ST6GALNAC5: variants seen among roughly 807,000 people sequenced by gnomAD.
The protein encoded by ST6GALNAC5 is ST6 N-acetylgalactosaminide alpha-2,6-sialyltransferase 5, also known as alpha-N-acetylgalactosaminide alpha-2,6-sialyltransferase 5.
A neutral mutation model predicts 33.6 loss-of-function variants in ST6GALNAC5; 27 were observed. That is an observed-to-expected ratio of 0.80 (90% CI 0.59 to 1.11). The LOEUF is 1.11. Among genes scored for constraint, ST6GALNAC5 ranks in the 50% least tolerant of loss-of-function variants. The pLI, the probability that ST6GALNAC5 is intolerant of heterozygous loss-of-function variation, is 0.00. For synonymous variants in ST6GALNAC5, 194 were observed against 171.2 expected (o/e 1.13, Z -1.04); for missense variants, 428 against 454.0 (o/e 0.94, Z 0.52).
At chr1:77,027,881 A>G (rs548375012) in intron 2 of ST6GALNAC5, among the ~76,000 whole-genome samples, 30 of 152,334 alleles carry the variant, frequency 2.0e-4, no homozygotes, top group East Asian at 1.4e-3. Flanking sequence ...TTACACTTCA[A>G]TAGTGCTTTA....
chr1:77,050,594 AT>A (rs1240576848), intron 4 of ST6GALNAC5, among the ~76,000 whole-genome samples: 6 of 152,230 alleles, frequency 3.9e-5, no homozygotes, highest in Non-Finnish European at 7.3e-5. Context: ...TGTGGGCTCC[AT>A]TTATCCTCTG....
intron 2 of ST6GALNAC5, among the ~76,000 whole-genome samples, chr1:76,970,810 G>T (rs1264981058): frequency 6.6e-6 from 1 of 152,096 alleles, no homozygotes; most frequent in East Asian, 1.9e-4. Flanking sequence ...ATCATGTGTT[G>T]CATGTAGCTG....
chr1:76,890,529 CT>C (rs977719397), intron 2 of ST6GALNAC5, among the ~76,000 whole-genome samples: 5 of 144,986 alleles, frequency 3.4e-5, no homozygotes, highest in African/African-American at 1.3e-4. Flanking sequence ...ATTCATTATG[CT>C]AGATTTTTAC....
chr1:76,954,491 G>T (rs1647876145), intron 2 of ST6GALNAC5, among the ~76,000 whole-genome samples: 1 of 152,062 alleles, frequency 6.6e-6, no homozygotes, highest in Non-Finnish European at 1.5e-5. Flanking sequence ...GTTTACCTGT[G>T]TAAAAAGCCT....
chr1:76,975,537 T>C (rs1648975392), intron 2 of ST6GALNAC5, among the ~76,000 whole-genome samples: 1 of 152,182 alleles, frequency 6.6e-6, no homozygotes, highest in Non-Finnish European at 1.5e-5. Context: ...GTTACTTTAA[T>C]AGGTGGATAT....
chr1:76,965,187 T>C (rs967554287), intron 2 of ST6GALNAC5, among the ~76,000 whole-genome samples: 2 of 149,066 alleles, frequency 1.3e-5, no homozygotes, highest in Non-Finnish European at 3.0e-5. Flanking sequence ...TGCCACACTG[T>C]CTTCCGCAAT....
intron 2 of ST6GALNAC5, among the ~76,000 whole-genome samples, chr1:76,896,259 A>T (rs1223713134): frequency 6.6e-6 from 1 of 152,176 alleles, no homozygotes; most frequent in Non-Finnish European, 1.5e-5. Context: ...ACTAAGCGGT[A>T]TTTTAGTTAT....
chr1:77,031,129 T>A (rs1651435967), intron 2 of ST6GALNAC5, among the ~76,000 whole-genome samples: 1 of 152,082 alleles, frequency 6.6e-6, no homozygotes, highest in African/African-American at 2.4e-5. Context: ...GGTGGCAAAG[T>A]CCCTCCCCAG....
At chr1:76,997,755 T>C (rs897937007) in intron 2 of ST6GALNAC5, among the ~76,000 whole-genome samples, 1 of 152,146 alleles carries the variant, frequency 6.6e-6, no homozygotes, top group African/African-American at 2.4e-5. Context: ...TCTCAATGCT[T>C]TGAGAGGCCA....
intron 4 of ST6GALNAC5, among the ~76,000 whole-genome samples, chr1:77,052,847 G>T (rs1404015572): frequency 6.7e-6 from 1 of 150,152 alleles, no homozygotes; most frequent in African/African-American, 2.5e-5. Flanking sequence ...GAACCTGGGA[G>T]GCGGAGGATG....
intron 2 of ST6GALNAC5, among the ~76,000 whole-genome samples, chr1:76,955,846 C>T (rs578157452): frequency 6.6e-6 from 1 of 152,238 alleles, no homozygotes; most frequent in Admixed American, 6.5e-5. Context: ...GCATTGGCTG[C>T]CTGGGCAGGG....
chr1:76,934,858 A>G (rs1647183950), intron 2 of ST6GALNAC5, among the ~76,000 whole-genome samples: 1 of 152,098 alleles, frequency 6.6e-6, no homozygotes, highest in Non-Finnish European at 1.5e-5. Context: ...GTCTTCAATG[A>G]CGATGTGCAA....
At chr1:76,970,517 A>C (rs574827916) in intron 2 of ST6GALNAC5, among the ~76,000 whole-genome samples, 31 of 152,228 alleles carry the variant, frequency 2.0e-4, no homozygotes, top group African/African-American at 6.0e-4. Flanking sequence ...AAAAAGAGTA[A>C]AAAGAAATGA....
chr1:76,868,300 G>A lies in ST6GALNAC5; in HGVS notation c.16-197G>A, dbSNP rs1330800967. ...CTGGGCGGCGGCGGCCGAAAGCAGCGACGCGCCCGGAGCATCCCTTGCGAT... is the reference window on the plus strand; with the variant it reads ...CTGGGCGGCGGCGGCCGAAAGCAGCAACGCGCCCGGAGCATCCCTTGCGAT... On this transcript the variant is annotated intron_variant, in intron 1 of 4. Coordinates refer to ENST00000477717, the MANE Select transcript of ST6GALNAC5 (RefSeq NM_030965.3). The surrounding 1 kb of genome is among the most constrained non-coding windows in gnomAD (Gnocchi z 4.3). Among the ~76,000 whole-genome samples, 1 of 151,884 alleles carries A rather than the reference G, an allele frequency of 6.6e-6. No individual in the cohort carries two copies. The highest frequency in any genetic ancestry group is 2.0e-4 in the East Asian group (1 of 5,100).
intron 2 of ST6GALNAC5, among the ~76,000 whole-genome samples, chr1:76,939,956 T>C (rs1647293645): frequency 6.6e-6 from 1 of 152,068 alleles, no homozygotes; most frequent in Admixed American, 6.6e-5. Flanking sequence ...GGAATAATCA[T>C]AGTACTTTCC....
intron 4 of ST6GALNAC5, among the ~76,000 whole-genome samples, chr1:77,055,283 T>C (rs1195159664): frequency 6.6e-6 from 1 of 152,142 alleles, no homozygotes; most frequent in African/African-American, 2.4e-5. Context: ...ACTGAAAAAT[T>C]CATAAAGGAA....
At chr1:76,983,727 C>A (rs915820106) in intron 2 of ST6GALNAC5, among the ~76,000 whole-genome samples, 2 of 152,200 alleles carry the variant, frequency 1.3e-5, no homozygotes, top group Non-Finnish European at 2.9e-5. Flanking sequence ...AGCACCACGT[C>A]GCACTTATTC....
intron 2 of ST6GALNAC5, among the ~76,000 whole-genome samples, chr1:76,893,502 T>C (rs993628376): frequency 6.6e-6 from 1 of 152,200 alleles, no homozygotes; most frequent in Admixed American, 6.5e-5. Context: ...CGCTGTATAA[T>C]GTGTAAGGAG....
intron 2 of ST6GALNAC5, among the ~76,000 whole-genome samples, chr1:76,939,911 C>T (rs1647290618): frequency 6.6e-6 from 1 of 152,036 alleles, no homozygotes; most frequent in African/African-American, 2.4e-5. Flanking sequence ...ACTTACTTAA[C>T]CTCTTCAGAC....
Sources: gnomAD v4.1 joint callset for allele counts (sites outside exome capture counted in the v4.1 genomes callset) on GRCh38, gnomAD v4.1.1 for gene constraint, Gnocchi (gnomAD v3.1) non-coding constraint, MANE v1.5 for transcripts, NCBI Gene and HGNC (gene_info 2026-07-23, HGNC 2026-07-21) for gene names.